NTNG1: variants seen among roughly 807,000 people sequenced by gnomAD.
The protein encoded by NTNG1 is netrin G1, also known as netrin-G1.
Under a neutral mutation model 54.0 loss-of-function variants are expected in NTNG1, and 16 were observed. That is an observed-to-expected ratio of 0.30 (90% confidence interval 0.20 to 0.45). The LOEUF is 0.45. Among genes scored for constraint, NTNG1 ranks in the 20% least tolerant of loss-of-function variants. The probability of loss-of-function intolerance (pLI) is 1.00; values close to 1 mark genes in which losing one functional copy is unlikely to be tolerated. For missense variants in NTNG1, 530 were observed against 678.7 expected (o/e 0.78, Z 2.43); for synonymous variants, 255 against 263.1 (o/e 0.97, Z 0.30).
At chr1:107,213,283 A>G (rs1659714623) in intron 2 of NTNG1, among the ~76,000 whole-genome samples, 2 of 152,098 alleles carry the variant, frequency 1.3e-5, no homozygotes, top group African/African-American at 4.8e-5. Context: ...TCTGGAAGCT[A>G]TGAAAAGCAC....
intron 3 of NTNG1, among the ~76,000 whole-genome samples, chr1:107,353,129 C>A (rs974225947): frequency 3.3e-5 from 5 of 152,190 alleles, no homozygotes; most frequent in African/African-American, 9.7e-5. Context: ...ATGCAAATTT[C>A]TGTAGCCTGC....
chr1:107,439,458 G>T (rs1434711889), intron 7 of NTNG1, among the ~76,000 whole-genome samples: 1 of 152,028 alleles, frequency 6.6e-6, no homozygotes, highest in Non-Finnish European at 1.5e-5. Flanking sequence ...TCCATCATAT[G>T]GTTTTAAGCA....
rs559700233 is a variant in NTNG1 at position 107,195,968 on chromosome 1, C to A, written c.246+47129C>A. On this transcript the variant is annotated intron_variant, in intron 2 of 7. Transcript: ENST00000370068. ...CTCTAAACACTGTATCTTTTATTTA[C>A]CCTCATTGATCTCCCCTCCTAGAAT... Among the ~76,000 whole-genome samples the A allele has an allele frequency of 7.3e-5, 11 of 150,524 alleles. No individual in the cohort carries two copies. The South Asian group carries it at 8.3e-4, about 11-fold the overall frequency.
At chr1:107,228,453 C>G (rs1243021342) in intron 2 of NTNG1, among the ~76,000 whole-genome samples, 2 of 152,118 alleles carry the variant, frequency 1.3e-5, no homozygotes, top group South Asian at 2.1e-4. Flanking sequence ...ACAGAAAAGT[C>G]AAATGCTCAC....
chr1:107,424,305 A>G (rs1328174056), intron 5 of NTNG1, among the ~76,000 whole-genome samples: 2 of 152,064 alleles, frequency 1.3e-5, no homozygotes, highest in Non-Finnish European at 2.9e-5. Context: ...GTGTTTGAAG[A>G]GCAACATGGA....
rs776794012 is a variant in NTNG1 at position 107,148,477 on chromosome 1, A to T, written c.-117A>T. 1 of 936,514 alleles carries T rather than the reference A, an allele frequency of 1.1e-6. No homozygotes were observed. Among genetic ancestry groups the T allele is most frequent in the Non-Finnish European group, 1.6e-6 (1 of 614,488 alleles). The allele number at this position is 936,514 out of a possible 1,614,324, so 58.0% of individuals were successfully genotyped here. A position where few individuals can be genotyped will look rare whatever the true frequency, so the allele number is the denominator to read the frequency against. On this transcript the variant is annotated 5_prime_UTR_variant, in exon 2 of 8. Transcript: ENST00000370068. The stretch of plus-strand genomic sequence containing the variant: ...TCTTCATTTAAAAAAAAATACAGAG[A>T]CCTACCTACCCGTACGCATACATAC...
intron 2 of NTNG1, among the ~76,000 whole-genome samples, chr1:107,253,444 T>A (rs1318547421): frequency 6.6e-6 from 1 of 152,244 alleles, no homozygotes; most frequent in Non-Finnish European, 1.5e-5. Context: ...TTCTAAATTC[T>A]CAGAATTAGC....
chr1:107,312,394 A>C (rs1419000671), intron 2 of NTNG1, among the ~76,000 whole-genome samples: 1 of 152,172 alleles, frequency 6.6e-6, no homozygotes, highest in Non-Finnish European at 1.5e-5. Context: ...GACTACACCC[A>C]AGGAGATGCT....
rs766427172 is a variant in NTNG1, at chr1:107,148,857, C to T, written c.246+18C>T. Reference sequence around the variant, plus strand: ...GTGCAATGGTGAGGTAACCCTTTTGCATAAAATATTTCATATAAATAGGGT... The same window carrying T: ...GTGCAATGGTGAGGTAACCCTTTTGTATAAAATATTTCATATAAATAGGGT... On this transcript the variant is annotated intron_variant, in intron 2 of 7. Coordinates refer to ENST00000370068, the MANE Select transcript of NTNG1 (RefSeq NM_001113226.3). 3.1e-6 allele frequency: 5 copies of T among 1,607,980 alleles called. No homozygotes were observed. Among genetic ancestry groups the T allele is most frequent in the Non-Finnish European group, 2.6e-6 (3 of 1,175,802 alleles).
At chr1:107,366,475 A>T (rs1436988035) in intron 3 of NTNG1, among the ~76,000 whole-genome samples, 2 of 152,186 alleles carry the variant, frequency 1.3e-5, no homozygotes, top group African/African-American at 4.8e-5. Context: ...GCTAAAATTA[A>T]CTTTAGAACA....
chr1:107,337,012 A>G (rs1264511663), intron 3 of NTNG1, among the ~76,000 whole-genome samples: 1 of 151,974 alleles, frequency 6.6e-6, no homozygotes, highest in East Asian at 1.9e-4. Context: ...GGTTTTTGCT[A>G]TACTAATGAA....
At chr1:107,334,945 GC>G (rs1296948221) in intron 3 of NTNG1, among the ~76,000 whole-genome samples, 1 of 151,982 alleles carries the variant, frequency 6.6e-6, no homozygotes, top group Non-Finnish European at 1.5e-5. Flanking sequence ...GAGAATTGGA[GC>G]TTAGCCCATT....
intron 2 of NTNG1, among the ~76,000 whole-genome samples, chr1:107,151,710 C>CT (rs1334568569): frequency 6.6e-6 from 1 of 152,130 alleles, no homozygotes; most frequent in East Asian, 1.9e-4. Context: ...CGTGTTGCTG[C>CT]TTTTTTCATT....
rs892049287 is a variant in NTNG1, at chr1:107,220,924, C to T, written c.246+72085C>T. Among the ~76,000 whole-genome samples, 6 of 152,092 alleles carry T rather than the reference C, an allele frequency of 3.9e-5. No individual in the cohort carries two copies. The South Asian group carries it at 6.2e-4, about 16-fold the overall frequency. On this transcript the variant is annotated intron_variant, in intron 2 of 7. Coordinates refer to ENST00000370068, the MANE Select transcript of NTNG1 (RefSeq NM_001113226.3). ...TGTTACCATTTTGATGTGTTTCATT[C>T]CAATCATTTTTTTTTTACTTAATTA...
chr1:107,392,461 T>C (rs918932776), intron 3 of NTNG1, among the ~76,000 whole-genome samples: 1 of 151,664 alleles, frequency 6.6e-6, no homozygotes, highest in South Asian at 2.1e-4. Flanking sequence ...GAGAACAGCA[T>C]GTGTAGTCAA....
chr1:107,380,950 A>G (rs1393985596), intron 3 of NTNG1, among the ~76,000 whole-genome samples: 2 of 152,190 alleles, frequency 1.3e-5, no homozygotes, highest in African/African-American at 4.8e-5. Context: ...ATGACCCTGG[A>G]GTATGAGTTG....
chr1:107,280,402 TTGAG>T (rs1164919097), intron 2 of NTNG1, among the ~76,000 whole-genome samples: 2 of 151,926 alleles, frequency 1.3e-5, no homozygotes, highest in African/African-American at 4.8e-5. Flanking sequence ...CTATCTTTCT[TTGAG>T]TTTCTCCTGT....
intron 2 of NTNG1, among the ~76,000 whole-genome samples, chr1:107,161,186 G>A (rs1042616159): frequency 1.3e-5 from 2 of 152,132 alleles, no homozygotes; most frequent in African/African-American, 4.8e-5. Context: ...CCGTTAAACA[G>A]AGATATATTT....
intron 5 of NTNG1, among the ~76,000 whole-genome samples, chr1:107,425,461 A>G (rs1674842133): frequency 6.6e-6 from 1 of 152,018 alleles, no homozygotes. Context: ...CTGTTAGTTC[A>G]CTTAGGATAA....
Sources: gnomAD v4.1 joint callset for allele counts (sites outside exome capture counted in the v4.1 genomes callset) on GRCh38, gnomAD v4.1.1 for gene constraint, MANE v1.5 for transcripts, NCBI Gene and HGNC (gene_info 2026-07-23, HGNC 2026-07-21) for gene names.